PRDM5: variants seen among roughly 807,000 people sequenced by gnomAD.
PRDM5 encodes the protein PR domain zinc finger protein 5.
In PRDM5, 56 loss-of-function variants were observed where a neutral mutation model predicts 81.2. That is an observed-to-expected ratio of 0.69 (90% CI 0.56 to 0.86). The LOEUF (loss-of-function observed/expected upper bound fraction) is 0.86, where lower values mean the gene tolerates loss of function less well. Among genes scored for constraint, PRDM5 ranks in the 40% least tolerant of loss-of-function variants. The pLI, the probability that PRDM5 is intolerant of heterozygous loss-of-function variation, is 0.00. For missense variants in PRDM5, 697 were observed against 770.1 expected (o/e 0.91, Z 1.12); for synonymous variants, 267 against 256.4 (o/e 1.04, Z -0.39).
intron 2 of PRDM5, among the ~76,000 whole-genome samples, chr4:120,870,124 G>C (rs778458059): frequency 1.3e-5 from 2 of 151,978 alleles, no homozygotes. Flanking sequence ...AAGGGAAGAC[G>C]GAGGAGACAG....
intron 15 of PRDM5, among the ~76,000 whole-genome samples, chr4:120,708,677 G>C (rs1359567148): frequency 2.6e-5 from 4 of 152,048 alleles, no homozygotes; most frequent in African/African-American, 7.2e-5. Context: ...ACCTTGGTAG[G>C]GTGACAGGGT....
intron 3 of PRDM5, among the ~76,000 whole-genome samples, chr4:120,847,532 T>C (rs1194817122): frequency 6.6e-6 from 1 of 152,154 alleles, no homozygotes; most frequent in African/African-American, 2.4e-5. Context: ...GGCTGACCAC[T>C]TGACAGCAAC....
chr4:120,751,645 A>G (rs773276478), intron 14 of PRDM5, among the ~76,000 whole-genome samples: 1 of 152,228 alleles, frequency 6.6e-6, no homozygotes, highest in Non-Finnish European at 1.5e-5. Context: ...ACTGAAGGAA[A>G]TAAAATCCAC....
chr4:120,691,544 T>TA (rs1222439271), downstream of PRDM5, among the ~76,000 whole-genome samples: 1 of 152,306 alleles, frequency 6.6e-6, no homozygotes, highest in East Asian at 1.9e-4. Context: ...TTATTACCCT[T>TA]AAATTATATT....
At chr4:120,727,941 GAA>G (rs559287282) in intron 14 of PRDM5, among the ~76,000 whole-genome samples, 1 of 115,838 alleles carries the variant, frequency 8.6e-6, no homozygotes, top group Non-Finnish European at 1.9e-5. Flanking sequence ...ATCTCAGTAA[GAA>G]AAAAAAAAAA....
chr4:120,914,425 T>C (rs1220802802), intron 1 of PRDM5, among the ~76,000 whole-genome samples: 3 of 152,146 alleles, frequency 2.0e-5, no homozygotes, highest in Non-Finnish European at 4.4e-5. Flanking sequence ...ACCTCACATA[T>C]AAAACCATAA....
intron 14 of PRDM5, among the ~76,000 whole-genome samples, chr4:120,733,454 C>G (rs562707501): frequency 6.6e-6 from 1 of 152,198 alleles, no homozygotes; most frequent in African/African-American, 2.4e-5. Context: ...TGCCCTACCC[C>G]CAATCTTGTT....
chr4:120,916,113 G>C (rs1375393049), intron 1 of PRDM5, among the ~76,000 whole-genome samples: 1 of 152,150 alleles, frequency 6.6e-6, no homozygotes, highest in Non-Finnish European at 1.5e-5. Flanking sequence ...AATGGGCCAG[G>C]CACGGTGGTT....
intron 8 of PRDM5, among the ~76,000 whole-genome samples, chr4:120,810,969 C>T (rs3789141): frequency 0.25 from 38,722 of 151,960 alleles, 5,644 homozygotes; most frequent in East Asian, 0.35. Context: ...TAAACAGAAA[C>T]AAAAATTCAT....
At chr4:120,820,765 C>T (rs1283097673) in intron 4 of PRDM5, among the ~76,000 whole-genome samples, 1 of 152,232 alleles carries the variant, frequency 6.6e-6, no homozygotes, top group African/African-American at 2.4e-5. Flanking sequence ...CCACTCTCAC[C>T]TTTTCCTATA....
intron 13 of PRDM5, among the ~76,000 whole-genome samples, chr4:120,758,884 T>C (rs1416053743): frequency 2.0e-5 from 3 of 151,976 alleles, no homozygotes; most frequent in Admixed American, 2.0e-4. Flanking sequence ...GCCTCCTAAG[T>C]AGCTGGGACT....
chr4:120,853,541 C>T lies in PRDM5; in HGVS notation c.178-1G>A, dbSNP rs745880518. The T allele has an allele frequency of 6.2e-7, 1 of 1,613,568 alleles. No individual in the cohort carries two copies. Among genetic ancestry groups the T allele is most frequent in the Admixed American group, 1.7e-5 (1 of 60,002 alleles). Reference sequence around the variant, plus strand: ...AAACTTCTCCCTTACTCCCACGAACCTGAAACATTAAAGGCTCCTGAGTTT... The same window carrying T: ...AAACTTCTCCCTTACTCCCACGAACTTGAAACATTAAAGGCTCCTGAGTTT... On this transcript the variant is annotated splice_acceptor_variant, in intron 2 of 15. Coordinates refer to ENST00000264808, the MANE Select transcript of PRDM5 (RefSeq NM_018699.4). LOFTEE classifies it high-confidence loss of function.
intron 2 of PRDM5, among the ~76,000 whole-genome samples, chr4:120,873,738 C>A (rs186163732): frequency 5.9e-5 from 9 of 152,310 alleles, no homozygotes; most frequent in Admixed American, 2.6e-4. Flanking sequence ...TTCATAATTT[C>A]CAAAATCTAC....
chr4:120,688,569 C>T (rs1449360971), downstream of PRDM5, among the ~76,000 whole-genome samples: 1 of 152,058 alleles, frequency 6.6e-6, no homozygotes, highest in Non-Finnish European at 1.5e-5. Context: ...TGCCATAAAG[C>T]ATTTTCCCCC....
At chr4:120,840,410 G>T (rs1160570105) in intron 3 of PRDM5, among the ~76,000 whole-genome samples, 3 of 151,988 alleles carry the variant, frequency 2.0e-5, no homozygotes. Flanking sequence ...CCAATGCAGG[G>T]TGGACCCCAT....
At chr4:120,771,809 G>A (rs1009190848) in intron 13 of PRDM5, among the ~76,000 whole-genome samples, 3 of 152,134 alleles carry the variant, frequency 2.0e-5, no homozygotes, top group South Asian at 4.1e-4. Context: ...GGCTTGCCAC[G>A]GTATATTAAT....
At chr4:120,702,690 T>C (rs921175516) in intron 15 of PRDM5, among the ~76,000 whole-genome samples, 3 of 152,170 alleles carry the variant, frequency 2.0e-5, no homozygotes, top group African/African-American at 7.2e-5. Context: ...CCTGGAGAAA[T>C]TGAAGAAAGT....
intron 13 of PRDM5, among the ~76,000 whole-genome samples, chr4:120,767,028 G>A (rs1171855826): frequency 6.6e-6 from 1 of 152,200 alleles, no homozygotes; most frequent in African/African-American, 2.4e-5. Flanking sequence ...GAAGGAGGAT[G>A]CAGAGCGGAA....
At chr4:120,888,416 T>C (rs569722148) in intron 2 of PRDM5, among the ~76,000 whole-genome samples, 1 of 152,372 alleles carries the variant, frequency 6.6e-6, no homozygotes, top group Non-Finnish European at 1.5e-5. Flanking sequence ...GCTTTGTTAC[T>C]GAGATTCACC....
Sources: allele counts gnomAD v4.1 joint callset (sites outside exome capture counted in the v4.1 genomes callset), GRCh38; gene constraint gnomAD v4.1.1; transcripts MANE v1.5; gene names NCBI Gene and HGNC (gene_info 2026-07-23, HGNC 2026-07-21).